GRIN2B: variants seen among roughly 807,000 people sequenced by gnomAD.
The protein encoded by GRIN2B is glutamate ionotropic receptor NMDA type subunit 2B.
GRIN2B carries 5 observed loss-of-function variants against 114.5 expected under a neutral mutation model. The ratio of observed to expected loss-of-function variants is 0.04; its 90% CI spans 0.02 to 0.09. The LOEUF is 0.09. GRIN2B is among the 10% of genes least tolerant of loss of function. The pLI is 1.00. For synonymous variants in GRIN2B, 787 were observed against 745.1 expected, an observed-to-expected ratio of 1.06 and a Z score of -0.92; for missense variants, 1,108 against 1,943.5, an observed-to-expected ratio of 0.57 and a Z score of 8.08.
chr12:13,633,350 G>A lies in GRIN2B; in HGVS notation c.1126-16693C>T, dbSNP rs563694072. 2.6e-4 allele frequency among the ~76,000 whole-genome samples: 40 copies of A among 152,300 alleles called. 1 individual carries two copies. Among genetic ancestry groups the A allele is most frequent in the Admixed American group, 1.8e-3 (27 of 15,290 alleles). On this transcript the variant is annotated intron_variant, in intron 5 of 13. Coordinates refer to ENST00000609686, the MANE Select transcript of GRIN2B (RefSeq NM_000834.5). ...CAATCTGGTTTTAACAAAGCCTCACGCATGCTAATGTTTGAGAACTGCTGG... is the reference window on the plus strand; with the variant it reads ...CAATCTGGTTTTAACAAAGCCTCACACATGCTAATGTTTGAGAACTGCTGG...
At chr12:13,964,748 A>AG (rs1216230097) in intron 2 of GRIN2B, among the ~76,000 whole-genome samples, 1 of 152,232 alleles carries the variant, frequency 6.6e-6, no homozygotes, top group Non-Finnish European at 1.5e-5. Flanking sequence ...AGAAGTGGGA[A>AG]GGCAGCAAAG....
intron 2 of GRIN2B, among the ~76,000 whole-genome samples, chr12:13,875,180 G>A (rs1204230482): frequency 1.3e-5 from 2 of 151,710 alleles, no homozygotes; most frequent in African/African-American, 4.8e-5. Context: ...TAACAAACCT[G>A]CACATCCTGC....
intron 2 of GRIN2B, among the ~76,000 whole-genome samples, chr12:13,889,081 AT>A (rs1214847187): frequency 2.0e-5 from 3 of 152,134 alleles, no homozygotes. Flanking sequence ...GTATATCCTC[AT>A]TCTATAAGCT....
intron 10 of GRIN2B, among the ~76,000 whole-genome samples, chr12:13,580,927 CT>C (rs1179119612): frequency 6.6e-6 from 1 of 152,160 alleles, no homozygotes; most frequent in African/African-American, 2.4e-5. Context: ...AGTACATAAC[CT>C]TTTGAGACTG....
intron 11 of GRIN2B, among the ~76,000 whole-genome samples, chr12:13,571,223 C>A (rs1948704490): frequency 6.6e-6 from 1 of 152,150 alleles, no homozygotes; most frequent in Non-Finnish European, 1.5e-5. Context: ...TCTTCCATAG[C>A]TGTGGCTTGT....
At chr12:13,875,816 A>G (rs1042476113) in intron 2 of GRIN2B, among the ~76,000 whole-genome samples, 1 of 152,248 alleles carries the variant, frequency 6.6e-6, no homozygotes, top group Non-Finnish European at 1.5e-5. Context: ...CTGCCTTCAC[A>G]GAATCACTGT....
rs79743824 is a variant in GRIN2B at position 13,871,492 on chromosome 12, T to C, written c.-18-5266A>G. Among the ~76,000 whole-genome samples the C allele has an allele frequency of 1.1e-4, 17 of 151,956 alleles. No homozygotes were observed. The East Asian group carries it at 3.3e-3, about 29-fold the overall frequency. ...TAAAAATACTAAATGTCAGAATTTC[T>C]AGAGCACAATTAAAGCATTTACAGA... On this transcript the variant is annotated intron_variant, in intron 2 of 13. Coordinates refer to ENST00000609686, the MANE Select transcript of GRIN2B (RefSeq NM_000834.5).
intron 3 of GRIN2B, among the ~76,000 whole-genome samples, chr12:13,808,233 C>T (rs1864648461): frequency 6.6e-6 from 1 of 152,020 alleles, no homozygotes; most frequent in South Asian, 2.1e-4. Context: ...AATTTGCTTC[C>T]TAGCCCATGT....
intron 2 of GRIN2B, among the ~76,000 whole-genome samples, chr12:13,880,235 G>A (rs1866050530): frequency 6.6e-6 from 1 of 152,170 alleles, no homozygotes; most frequent in Non-Finnish European, 1.5e-5. Context: ...TCTGAGGAAA[G>A]GAGCCAAAAT....
intron 3 of GRIN2B, among the ~76,000 whole-genome samples, chr12:13,844,974 A>T (rs1425632545): frequency 1.3e-5 from 2 of 152,110 alleles, no homozygotes; most frequent in African/African-American, 4.8e-5. Flanking sequence ...CTGCTTTTCC[A>T]GTATGAATTT....
chr12:13,856,931 G>A (rs1048270110), intron 3 of GRIN2B, among the ~76,000 whole-genome samples: 14 of 152,144 alleles, frequency 9.2e-5, no homozygotes, highest in Non-Finnish European at 1.9e-4. Flanking sequence ...ACCCACCCAT[G>A]TTCTAAATTC....
At chr12:13,734,556 C>A (rs1006074617) in intron 4 of GRIN2B, among the ~76,000 whole-genome samples, 9 of 152,182 alleles carry the variant, frequency 5.9e-5, no homozygotes, top group Admixed American at 2.0e-4. Context: ...AAATAATAAT[C>A]AGGTTTTGTA....
intron 3 of GRIN2B, among the ~76,000 whole-genome samples, chr12:13,772,237 C>T (rs1863920543): frequency 6.6e-6 from 1 of 152,140 alleles, no homozygotes; most frequent in Non-Finnish European, 1.5e-5. Context: ...GCTCTTTTAC[C>T]ATCAGGTTAC....
At chr12:13,734,255 G>T (rs1464375078) in intron 4 of GRIN2B, among the ~76,000 whole-genome samples, 1 of 152,192 alleles carries the variant, frequency 6.6e-6, no homozygotes, top group Non-Finnish European at 1.5e-5. Context: ...GCTTGTTATA[G>T]AAATCTAGGC....
chr12:13,923,265 T>C (rs1021162114), intron 2 of GRIN2B, among the ~76,000 whole-genome samples: 8 of 152,292 alleles, frequency 5.3e-5, no homozygotes, highest in Admixed American at 1.3e-4. Flanking sequence ...GATAAAGCAG[T>C]CTATTTTAAA....
intron 2 of GRIN2B, among the ~76,000 whole-genome samples, chr12:13,964,235 T>A (rs925407004): frequency 6.6e-6 from 1 of 152,228 alleles, no homozygotes; most frequent in Non-Finnish European, 1.5e-5. Context: ...CTGGGCCAGA[T>A]AGCTGGGCTC....
intron 4 of GRIN2B, among the ~76,000 whole-genome samples, chr12:13,738,915 A>G (rs1161211161): frequency 6.6e-6 from 1 of 152,166 alleles, no homozygotes; most frequent in Non-Finnish European, 1.5e-5. Flanking sequence ...AAAGCTTCTC[A>G]GGAAATTTTA....
intron 2 of GRIN2B, among the ~76,000 whole-genome samples, chr12:13,880,065 A>G (rs1866047303): frequency 6.6e-6 from 1 of 152,194 alleles, no homozygotes; most frequent in African/African-American, 2.4e-5. Context: ...ACACCCCTGC[A>G]CAGAAAAGCA....
intron 4 of GRIN2B, among the ~76,000 whole-genome samples, chr12:13,717,311 AC>A (rs957643254): frequency 5.3e-5 from 8 of 150,980 alleles, no homozygotes; most frequent in African/African-American, 1.5e-4. Flanking sequence ...TAATAAAAAA[AC>A]AATTCTGATT....
Sources: gnomAD v4.1 joint callset for allele counts (sites outside exome capture counted in the v4.1 genomes callset) on GRCh38, gnomAD v4.1.1 for gene constraint, MANE v1.5 for transcripts, NCBI Gene and HGNC (gene_info 2026-07-23, HGNC 2026-07-21) for gene names.